The following HS1BP3 variants were observed in gnomAD, a reference collection of about 807,000 sequenced individuals.
HS1BP3 encodes the protein HCLS1-binding protein 3.
A neutral mutation model predicts 33.5 loss-of-function variants in HS1BP3; 32 were observed. The observed-to-expected ratio is 0.95, with a 90% CI of 0.72 to 1.28. HS1BP3 has a LOEUF of 1.28. Among genes scored for constraint, HS1BP3 ranks in the 50% most tolerant of loss-of-function variants. The probability of loss-of-function intolerance (pLI) is 0.00; values close to 1 mark genes in which losing one functional copy is unlikely to be tolerated. For missense variants in HS1BP3, 486 were observed against 502.3 expected (o/e 0.97, Z 0.31); for synonymous variants, 187 against 209.2 (o/e 0.89, Z 0.92).
rs568557957 is a variant in HS1BP3, at chr2:20,564,365, G to A, written c.303-3850C>T. On this transcript the variant is annotated intron_variant, in intron 5 of 5. Coordinates refer to the HS1BP3 transcript ENST00000446825. ...GTGGCCCCAGCTGGCCCACCCTCCA[G>A]CTCTGGGCTCCCTCAGGGCTGCTGG... Among the ~76,000 whole-genome samples, 26 of 152,344 alleles carry A rather than the reference G, an allele frequency of 1.7e-4. 1 individual carries two copies. In the South Asian group the frequency reaches 5.4e-3, roughly 32 times the overall value.
At chr2:20,632,894 A>G (rs905248889) in intron 4 of HS1BP3, among the ~76,000 whole-genome samples, 3 of 152,260 alleles carry the variant, frequency 2.0e-5, no homozygotes, top group South Asian at 2.1e-4. Flanking sequence ...TGATATTTGC[A>G]TAACAACTAT....
downstream of HS1BP3, among the ~76,000 whole-genome samples, chr2:20,555,719 T>G (rs1342138741): frequency 2.0e-5 from 3 of 152,044 alleles, no homozygotes; most frequent in Non-Finnish European, 4.4e-5. Flanking sequence ...TTCTTCCTTC[T>G]GTGTGTGGGA....
chr2:20,619,739 G>A (rs1164352889), intron 6 of HS1BP3, among the ~76,000 whole-genome samples: 2 of 152,244 alleles, frequency 1.3e-5, no homozygotes, highest in Admixed American at 6.5e-5. Flanking sequence ...GTGACCTCGA[G>A]GGGATGGTAT....
chr2:20,563,374 C>G (rs979383242), intron 5 of HS1BP3, among the ~76,000 whole-genome samples: 11 of 152,342 alleles, frequency 7.2e-5, no homozygotes, highest in African/African-American at 1.7e-4. Flanking sequence ...CTGTGGTCAG[C>G]AGCCAAACAG....
intron 5 of HS1BP3, among the ~76,000 whole-genome samples, chr2:20,585,666 A>G (rs967140132): frequency 2.6e-5 from 4 of 152,336 alleles, no homozygotes; most frequent in African/African-American, 7.2e-5. Context: ...AGAAGCTGCT[A>G]TCTCCAAATA....
downstream of HS1BP3, among the ~76,000 whole-genome samples, chr2:20,556,808 C>T (rs1692853422): frequency 6.6e-6 from 1 of 152,174 alleles, no homozygotes; most frequent in Non-Finnish European, 1.5e-5. Flanking sequence ...TTCCTGGCTC[C>T]TTCTTGTTCT....
chr2:20,575,951 G>A (rs1377723865), intron 5 of HS1BP3, among the ~76,000 whole-genome samples: 1 of 152,126 alleles, frequency 6.6e-6, no homozygotes, highest in Non-Finnish European at 1.5e-5. Flanking sequence ...CTGGGGAGGG[G>A]GACCTGAAAA....
chr2:20,568,052 C>T (rs1693178839), intron 5 of HS1BP3, among the ~76,000 whole-genome samples: 1 of 152,176 alleles, frequency 6.6e-6, no homozygotes, highest in Admixed American at 6.5e-5. Flanking sequence ...CCCCCACCAC[C>T]CCTGACCTGC....
chr2:20,580,673 C>T (rs1333383901), intron 5 of HS1BP3, among the ~76,000 whole-genome samples: 1 of 152,168 alleles, frequency 6.6e-6, no homozygotes, highest in Admixed American at 6.5e-5. Flanking sequence ...CGCTAGTTAT[C>T]AGAGAAATGC....
intron 6 of HS1BP3, among the ~76,000 whole-genome samples, chr2:20,621,164 G>T (rs1446255951): frequency 6.6e-6 from 1 of 152,350 alleles, no homozygotes; most frequent in Middle Eastern, 3.4e-3. Context: ...GGATAGAGAG[G>T]CGATACCTCT....
intron 3 of HS1BP3, among the ~76,000 whole-genome samples, chr2:20,597,987 G>T (rs996435717): frequency 6.6e-6 from 1 of 152,146 alleles, no homozygotes; most frequent in Admixed American, 6.5e-5. Context: ...GACAATCCTG[G>T]CTGGGTAGGT....
rs1346653724 is a variant in HS1BP3 at position 20,619,170 on chromosome 2, TGGCTTGGGCTTAAGCTGG to T, written c.978_995del (p.Gln327_Pro332del). On this transcript the variant is annotated inframe_deletion, in exon 7 of 7. Coordinates refer to ENST00000304031, the MANE Select transcript of HS1BP3 (RefSeq NM_022460.4). ...GTATCACCGGCTTAGCTGCCACTGG[TGGCTTGGGCTTAAGCTGG>T]GGCTTGGGTTTGGGCTCAGCTCCCA... The T allele has an allele frequency of 6.2e-7, 1 of 1,614,132 alleles. No individual in the cohort carries two copies. Among genetic ancestry groups the T allele is most frequent in the East Asian group, 2.2e-5 (1 of 44,882 alleles).
the HS1BP3 span, among the ~76,000 whole-genome samples, chr2:20,553,967 G>T: frequency 1.3e-5 from 2 of 152,312 alleles, no homozygotes; most frequent in South Asian, 4.1e-4. Context: ...ATGAAGGACG[G>T]TTTAGTATTC....
intron 5 of HS1BP3, among the ~76,000 whole-genome samples, chr2:20,579,417 C>G (rs1365118235): frequency 6.6e-6 from 1 of 152,258 alleles, no homozygotes; most frequent in Admixed American, 6.5e-5. Context: ...TCTGCCATTT[C>G]AGGCTGGGCT....
At chr2:20,565,674 A>C (rs1306082514) in intron 5 of HS1BP3, among the ~76,000 whole-genome samples, 1 of 152,214 alleles carries the variant, frequency 6.6e-6, no homozygotes, top group Non-Finnish European at 1.5e-5. Flanking sequence ...AGCTGCACTC[A>C]TCCCACTGGA....
downstream of HS1BP3, among the ~76,000 whole-genome samples, chr2:20,557,257 T>A (rs571818333): frequency 2.0e-5 from 3 of 152,360 alleles, no homozygotes; most frequent in East Asian, 5.8e-4. Flanking sequence ...GATCTTATCA[T>A]TGGCCTTCCG....
At chr2:20,622,117 C>T in intron 6 of HS1BP3, 1 of 1,182,604 alleles carries the variant, frequency 8.5e-7, no homozygotes, top group Non-Finnish European at 1.1e-6. Context: ...CAGTGTACAC[C>T]CCACGCGGCC....
intron 2 of HS1BP3, among the ~76,000 whole-genome samples, chr2:20,609,898 G>A (rs187403900): frequency 5.9e-5 from 9 of 152,230 alleles, no homozygotes; most frequent in Non-Finnish European, 1.0e-4. Context: ...TCAGTGAAAC[G>A]TTTGCTAAGC....
At chr2:20,648,473 C>G (rs1024949692) in intron 1 of HS1BP3, among the ~76,000 whole-genome samples, 2 of 152,242 alleles carry the variant, frequency 1.3e-5, no homozygotes, top group African/African-American at 2.4e-5. Flanking sequence ...CAGTCAGCCA[C>G]TCCCCTCCTT....
Sources: allele counts gnomAD v4.1 joint callset (sites outside exome capture counted in the v4.1 genomes callset), GRCh38; gene constraint gnomAD v4.1.1; transcripts MANE v1.5; gene names NCBI Gene and HGNC (gene_info 2026-07-23, HGNC 2026-07-21).